SELP: variants seen among roughly 807,000 people sequenced by gnomAD.
SELP encodes the protein selectin P.
A neutral mutation model predicts 104.1 loss-of-function variants in SELP; 92 were observed. The ratio of observed to expected loss-of-function variants is 0.88; its 90% CI spans 0.75 to 1.05. The LOEUF (loss-of-function observed/expected upper bound fraction) is 1.05, where lower values mean the gene tolerates loss of function less well. Ranked by LOEUF, SELP falls within the 50% of genes least tolerant of loss-of-function variation. The pLI is 0.00. For missense variants in SELP, 1,022 were observed against 1,017.3 expected (o/e 1.00, Z -0.06); for synonymous variants, 397 against 364.5 (o/e 1.09, Z -1.01).
intron 3 of SELP, among the ~76,000 whole-genome samples, chr1:169,614,818 G>C (rs962197636): frequency 6.6e-6 from 1 of 152,190 alleles, no homozygotes; most frequent in African/African-American, 2.4e-5. Context: ...CAAATAAAGA[G>C]AAGATGTAGG....
intron 14 of SELP, among the ~76,000 whole-genome samples, chr1:169,592,211 T>C (rs1056166594): frequency 6.6e-6 from 1 of 152,186 alleles, no homozygotes; most frequent in African/African-American, 2.4e-5. Flanking sequence ...TACATCTCTT[T>C]GGTATTGAAG....
chr1:169,592,088 G>C (rs1661380504), intron 14 of SELP, among the ~76,000 whole-genome samples: 2 of 152,178 alleles, frequency 1.3e-5, no homozygotes, highest in Non-Finnish European at 2.9e-5. Context: ...ATCAAGATTA[G>C]AGTGATTCCT....
Position 169,607,070 on chromosome 1 carries a change from A to G in SELP, c.1398T>C (p.Gly466=). 6.2e-7 allele frequency: 1 copy of G among 1,613,168 alleles called. No individual in the cohort carries two copies. Among genetic ancestry groups the G allele is most frequent in the Non-Finnish European group, 8.5e-7 (1 of 1,179,232 alleles). The change falls in exon 9 of 17, where the codon GGT becomes GGC. Residue 466 remains glycine (G), a synonymous_variant. Transcript: ENST00000263686. ...TGCAGACTGACTGGTACCTAAAGGC[A>G]CCGAAGGGGTGGGAGCAGTTCACCC... ...EARVNCSHPF[G]AFRYQSVCSF...
chr1:169,608,923 G>C (rs539088695), intron 8 of SELP, among the ~76,000 whole-genome samples: 1 of 152,238 alleles, frequency 6.6e-6, no homozygotes, highest in Admixed American at 6.5e-5. Context: ...CAAAAGATTA[G>C]AAACCTAACA....
rs567375798 is a variant in SELP, at chr1:169,603,296, C to CCTCTCT, written c.1520-91_1520-86dup. On this transcript the variant is annotated intron_variant, in intron 9 of 16. Coordinates refer to ENST00000263686, the MANE Select transcript of SELP (RefSeq NM_003005.4). Reference sequence around the variant, plus strand: ...CTCTGTAACTCTCTCTCTCTTTCTCCCTCTCTCTCTCTGTGTGTGTGTGTG... The same window carrying CCTCTCT: ...CTCTGTAACTCTCTCTCTCTTTCTCCCTCTCTCTCTCTCTCTCTGTGTGTGTGTGTG... 1,187 of 676,052 alleles carry CCTCTCT rather than the reference C, an allele frequency of 1.8e-3. 7 individuals carry two copies. In the African/African-American group the frequency reaches 0.025, roughly 14 times the overall value. The allele number at this position is 676,052 out of a possible 1,614,324, so 41.9% of individuals were successfully genotyped here.
At chr1:169,590,785 C>T (rs1350243418) in intron 15 of SELP, among the ~76,000 whole-genome samples, 3 of 152,108 alleles carry the variant, frequency 2.0e-5, no homozygotes, top group African/African-American at 7.2e-5. Flanking sequence ...GGCATACTGT[C>T]CCTTTTTGAA....
chr1:169,618,498 C>A (rs1000656004), intron 2 of SELP, among the ~76,000 whole-genome samples: 3 of 152,190 alleles, frequency 2.0e-5, no homozygotes, highest in African/African-American at 4.8e-5. Flanking sequence ...GAGGCCATTT[C>A]CCACATGAAG....
chr1:169,600,720 G>A (rs1661865208), intron 10 of SELP, among the ~76,000 whole-genome samples: 1 of 152,216 alleles, frequency 6.6e-6, no homozygotes. Context: ...GTTCTAGGGG[G>A]CAGTGCTGAG....
At chr1:169,617,501 G>T in intron 2 of SELP, 87 bp from the exon 3 acceptor site, 1 of 1,360,120 alleles carries the variant, frequency 7.4e-7, no homozygotes, top group Non-Finnish European at 1.0e-6. Flanking sequence ...ATACTCAGAT[G>T]AATTTCCGAC....
chr1:169,596,241 G>T lies in SELP; in HGVS notation c.1892-107C>A, dbSNP rs530530454. On this transcript the variant is annotated intron_variant, in intron 11 of 16. Transcript: ENST00000263686. The stretch of plus-strand genomic sequence containing the variant: ...GCTTTTCACTCCCTTCATAACAAGG[G>T]AGGCTCCTGCAAGAGCTATTTAAGG... The T allele has an allele frequency of 2.0e-3, 1,962 of 975,354 alleles. 6 individuals are homozygous for T. The highest frequency in any genetic ancestry group is 2.9e-3 in the South Asian group (191 of 65,432). The allele number at this position is 975,354 out of a possible 1,614,324, so 60.4% of individuals were successfully genotyped here. A position where few individuals can be genotyped will look rare whatever the true frequency, so the allele number is the denominator to read the frequency against.
chr1:169,623,839 C>T (rs1431447194), intron 1 of SELP, among the ~76,000 whole-genome samples: 1 of 152,174 alleles, frequency 6.6e-6, no homozygotes. Flanking sequence ...GGGGCAGCCA[C>T]CACTCCCCAC....
chr1:169,590,479 G>T (rs1267162861), intron 15 of SELP, among the ~76,000 whole-genome samples: 2 of 152,198 alleles, frequency 1.3e-5, no homozygotes, highest in African/African-American at 4.8e-5. Flanking sequence ...TCTTCTAGGT[G>T]ACAAGAGGTA....
intron 10 of SELP, among the ~76,000 whole-genome samples, chr1:169,598,723 G>A (rs1342590339): frequency 1.3e-5 from 2 of 152,186 alleles, no homozygotes; most frequent in African/African-American, 4.8e-5. Context: ...AATGTCAGCT[G>A]CAGGAAAGCA....
intron 3 of SELP, 141 bp from the exon 4 acceptor site, chr1:169,613,834 G>A (rs1283124204): frequency 7.5e-6 from 5 of 667,076 alleles, no homozygotes; most frequent in African/African-American, 1.8e-5. Context: ...ATCTTCTAGA[G>A]AGCCAACCTG....
Position 169,617,056 on chromosome 1 carries a change from C to T in SELP, c.453G>A (p.Leu151=). 6.2e-7 allele frequency: 1 copy of T among 1,611,844 alleles called. No individual in the cohort carries two copies. The highest frequency in any genetic ancestry group is 8.5e-7 in the Non-Finnish European group (1 of 1,178,970). ...TGTAACACAATGCGTGCTTTTTCTT[C>T]AAGCAGTGCTCATCATTCCACTTGC... The part of the protein sequence containing the change: ...APGKWNDEHC[L]KKKHALCYTA... The change falls in exon 3 of 17, where the codon TTG becomes TTA. Residue 151 remains leucine, a synonymous_variant. Transcript: ENST00000263686.
At chr1:169,600,039 T>A (rs1181403025) in intron 10 of SELP, among the ~76,000 whole-genome samples, 1 of 152,146 alleles carries the variant, frequency 6.6e-6, no homozygotes, top group Non-Finnish European at 1.5e-5. Context: ...GGAAACTGTG[T>A]ACAAGCACTC....
In SELP at chr1:169,606,927, G is replaced by T. The variant is rs750199970; in HGVS notation, c.1519+22C>A. ...ACTGCCTACAATTTATTTCCATGAT[G>T]TTAGAAAGAATACACTCTTACCTTG... On this transcript the variant is annotated intron_variant, in intron 9 of 16. Transcript: ENST00000263686. 5.0e-6 allele frequency: 8 copies of T among 1,601,226 alleles called. No homozygotes were observed. The Admixed American group carries it at 1.4e-4, about 28-fold the overall frequency.
chr1:169,625,458 C>T (rs952841440), intron 1 of SELP, among the ~76,000 whole-genome samples: 16 of 152,284 alleles, frequency 1.1e-4, no homozygotes, highest in Non-Finnish European at 1.3e-4. Flanking sequence ...TTTCCAATGT[C>T]CTCTAATCAG....
chr1:169,603,303 CTCTCTGTGTG>C, intron 9 of SELP, 92 bp from the exon 10 acceptor site: 18 of 694,628 alleles, frequency 2.6e-5, no homozygotes, highest in Non-Finnish European at 3.9e-5. Flanking sequence ...CTCCCTCTCT[CTCTCTGTGTG>C]TGTGTGTGTG....
Sources: allele counts gnomAD v4.1 joint callset (sites outside exome capture counted in the v4.1 genomes callset), GRCh38; gene constraint gnomAD v4.1.1; transcripts MANE v1.5; gene names NCBI Gene and HGNC (gene_info 2026-07-23, HGNC 2026-07-21).